CRACD: variants seen among roughly 807,000 people sequenced by gnomAD.
CRACD encodes the protein capping protein-inhibiting regulator of actin dynamics.
A neutral mutation model predicts 106.8 loss-of-function variants in CRACD; 56 were observed. The ratio of observed to expected loss-of-function variants is 0.52; its 90% CI spans 0.42 to 0.66. The LOEUF (loss-of-function observed/expected upper bound fraction) is 0.66. CRACD is among the 30% of genes least tolerant of loss of function. The pLI is 0.00. For missense variants in CRACD, 1,730 were observed against 1,623.2 expected, an observed-to-expected ratio of 1.07 and a Z score of -1.13; for synonymous variants, 754 against 670.8, an observed-to-expected ratio of 1.12 and a Z score of -1.92.
At chr4:56,081,414 A>C (rs10517368) in intron 1 of CRACD, among the ~76,000 whole-genome samples, 4,364 of 152,204 alleles carry the variant, frequency 0.029, 127 homozygotes, top group Admixed American at 0.077. Flanking sequence ...CAACTCTAGG[A>C]GGTACGTATT....
chr4:56,157,262 G>A (rs558817904), intron 1 of CRACD, among the ~76,000 whole-genome samples: 3 of 152,274 alleles, frequency 2.0e-5, no homozygotes, highest in South Asian at 4.1e-4. Context: ...GAGGCCAGGA[G>A]TTCTAGACCA....
At chr4:56,142,072 A>T (rs1735222544) in intron 1 of CRACD, among the ~76,000 whole-genome samples, 1 of 152,216 alleles carries the variant, frequency 6.6e-6, no homozygotes, top group Non-Finnish European at 1.5e-5. Flanking sequence ...AAGAAGTTTT[A>T]AAAAAGAAAA....
chr4:56,241,542 A>G (rs368647988), intron 2 of CRACD, among the ~76,000 whole-genome samples: 4 of 152,322 alleles, frequency 2.6e-5, no homozygotes, highest in African/African-American at 9.6e-5. Flanking sequence ...AAGTGAATAC[A>G]TAACTAGAGA....
intron 2 of CRACD, among the ~76,000 whole-genome samples, chr4:56,218,351 GTCC>G (rs1207144141): frequency 6.6e-6 from 1 of 151,736 alleles, no homozygotes; most frequent in Non-Finnish European, 1.5e-5. Context: ...GGCTCAAGCA[GTCC>G]TCCTGCTTTG....
intron 1 of CRACD, among the ~76,000 whole-genome samples, chr4:56,104,227 C>T (rs1733871464): frequency 2.0e-5 from 3 of 152,004 alleles, no homozygotes; most frequent in African/African-American, 4.8e-5. Flanking sequence ...ATAGACCTCA[C>T]ATCTACAAAA....
At chr4:56,098,302 G>T (rs897021968) in intron 1 of CRACD, among the ~76,000 whole-genome samples, 1 of 152,152 alleles carries the variant, frequency 6.6e-6, no homozygotes, top group Admixed American at 6.5e-5. Flanking sequence ...GTATGGACAG[G>T]TTGAAAATTC....
At chr4:56,172,116 T>G (rs552363375) in intron 1 of CRACD, among the ~76,000 whole-genome samples, 1 of 149,310 alleles carries the variant, frequency 6.7e-6, no homozygotes, top group African/African-American at 2.4e-5. Flanking sequence ...TCCTGCAGTA[T>G]CCTTCTGTTA....
At chr4:56,239,947 T>G (rs1428585530) in intron 2 of CRACD, among the ~76,000 whole-genome samples, 1 of 152,150 alleles carries the variant, frequency 6.6e-6, no homozygotes. Flanking sequence ...ATGAATGAGA[T>G]GAGAGTCAGG....
intron 1 of CRACD, among the ~76,000 whole-genome samples, chr4:56,139,901 T>C (rs2109875919): frequency 6.6e-6 from 1 of 152,338 alleles, no homozygotes; most frequent in South Asian, 2.1e-4. Flanking sequence ...TTTCAATACT[T>C]GCCTACCTGC....
At chr4:56,070,738 G>A (rs113483407) in intron 1 of CRACD, among the ~76,000 whole-genome samples, 3 of 152,094 alleles carry the variant, frequency 2.0e-5, no homozygotes, top group African/African-American at 7.2e-5. Flanking sequence ...GGTGATGGGG[G>A]GTCAAACACT....
rs140054782 is a variant in CRACD, at chr4:56,257,671, G to A, written c.-188-14650G>A. Among the ~76,000 whole-genome samples, 773 of 152,270 alleles carry A rather than the reference G, an allele frequency of 5.1e-3. 7 individuals carry two copies. Among genetic ancestry groups the A allele is most frequent in the Non-Finnish European group, 7.9e-3 (539 of 68,030 alleles). ...GATTGTGCTGCCACATTCATAAAGT[G>A]TAAAGCCCTGCAAAACTGTCTCTTG... On this transcript the variant is annotated intron_variant, in intron 2 of 10. Coordinates refer to ENST00000682029, the MANE Select transcript of CRACD (RefSeq NM_001393381.1).
At chr4:56,228,298 T>A (rs1294696943) in intron 2 of CRACD, among the ~76,000 whole-genome samples, 4 of 152,302 alleles carry the variant, frequency 2.6e-5, no homozygotes, top group African/African-American at 9.6e-5. Context: ...GAAAAAAATT[T>A]GGTCTTCTAA....
chr4:56,264,148 T>G (rs1457959423), intron 2 of CRACD, among the ~76,000 whole-genome samples: 1 of 152,138 alleles, frequency 6.6e-6, no homozygotes, highest in Non-Finnish European at 1.5e-5. Flanking sequence ...CCAGATCTTA[T>G]GAGAACTCAC....
chr4:56,289,230 A>G (rs1281278770), intron 3 of CRACD, among the ~76,000 whole-genome samples: 2 of 152,222 alleles, frequency 1.3e-5, no homozygotes, highest in African/African-American at 2.4e-5. Context: ...ATTTAATGCC[A>G]CTGAACTGTG....
At chr4:56,194,279 A>G (rs979390499) in intron 2 of CRACD, among the ~76,000 whole-genome samples, 3 of 152,202 alleles carry the variant, frequency 2.0e-5, no homozygotes, top group Non-Finnish European at 2.9e-5. Flanking sequence ...TCACAGCAAT[A>G]TGACAGTGGT....
chr4:56,192,913 C>G (rs2109459487), intron 2 of CRACD, among the ~76,000 whole-genome samples: 1 of 152,274 alleles, frequency 6.6e-6, no homozygotes, highest in South Asian at 2.1e-4. Context: ...CCGAAACAGA[C>G]AACACTTAAC....
At chr4:56,110,430 G>C (rs566192438) in intron 1 of CRACD, among the ~76,000 whole-genome samples, 3 of 152,280 alleles carry the variant, frequency 2.0e-5, no homozygotes, top group African/African-American at 7.2e-5. Context: ...TACCATGAAA[G>C]TGAGGTGAAG....
chr4:56,147,751 C>T (rs1365528301), intron 1 of CRACD, among the ~76,000 whole-genome samples: 2 of 152,274 alleles, frequency 1.3e-5, no homozygotes, highest in Admixed American at 1.3e-4. Flanking sequence ...ATTTTACAGT[C>T]CCACCAGCAA....
intron 1 of CRACD, among the ~76,000 whole-genome samples, chr4:56,088,802 G>A (rs887734930): frequency 1.3e-5 from 2 of 148,704 alleles, no homozygotes; most frequent in Admixed American, 6.7e-5. Context: ...CGTGGCTCAC[G>A]ATAACCTCTG....
Sources: allele counts gnomAD v4.1 joint callset (sites outside exome capture counted in the v4.1 genomes callset), GRCh38; gene constraint gnomAD v4.1.1; transcripts MANE v1.5; gene names NCBI Gene and HGNC (gene_info 2026-07-23, HGNC 2026-07-21).